CCNY: variants seen among roughly 807,000 people sequenced by gnomAD.
The protein encoded by CCNY is cyclin Y, also known as cyclin-Y.
CCNY carries 19 observed loss-of-function variants against 42.8 expected under a neutral mutation model. The observed-to-expected ratio is 0.44, with a 90% CI of 0.31 to 0.65. CCNY has a LOEUF of 0.65. Among genes scored for constraint, CCNY ranks in the 30% least tolerant of loss-of-function variants. The pLI is 0.07. For synonymous variants in CCNY, 165 were observed against 162.7 expected, an observed-to-expected ratio of 1.01 and a Z score of -0.11; for missense variants, 370 against 437.3, an observed-to-expected ratio of 0.85 and a Z score of 1.37.
intron 3 of CCNY, among the ~76,000 whole-genome samples, chr10:35,309,402 G>A (rs1477046803): frequency 2.0e-5 from 3 of 152,140 alleles, no homozygotes; most frequent in African/African-American, 4.8e-5. Context: ...TGGATGACAG[G>A]TGGAGAGGAA....
chr10:35,516,412 C>T, intron 3 of CCNY, 111 bp from the exon 4 acceptor site: 1 of 723,144 alleles, frequency 1.4e-6, no homozygotes, highest in Non-Finnish European at 2.4e-6. Context: ...ACATTTCTTG[C>T]TAAGACATTT....
intron 1 of CCNY, among the ~76,000 whole-genome samples, chr10:35,444,488 T>G (rs1589125689): frequency 6.6e-6 from 1 of 152,300 alleles, no homozygotes; most frequent in East Asian, 1.9e-4. Flanking sequence ...CCTCAAGTGA[T>G]CCACCCATCT....
chr10:35,443,061 G>GTA (rs1838709066), intron 1 of CCNY, among the ~76,000 whole-genome samples: 1 of 152,168 alleles, frequency 6.6e-6, no homozygotes, highest in South Asian at 2.1e-4. Context: ...TAACAATACG[G>GTA]TATAGAAGAT....
chr10:35,521,614 T>A (rs1840548426), intron 4 of CCNY, among the ~76,000 whole-genome samples: 2 of 152,222 alleles, frequency 1.3e-5, no homozygotes, highest in African/African-American at 4.8e-5. Flanking sequence ...GGCTGTTCTC[T>A]GAGAGACTGG....
At chr10:35,505,226 G>T (rs1176184031) in intron 3 of CCNY, among the ~76,000 whole-genome samples, 2 of 150,364 alleles carry the variant, frequency 1.3e-5, no homozygotes, top group Non-Finnish European at 2.9e-5. Context: ...TTATCTTCCT[G>T]CCACCTGGTG....
At chr10:35,565,795 G>A (rs961397753) in intron 8 of CCNY, among the ~76,000 whole-genome samples, 9 of 152,334 alleles carry the variant, frequency 5.9e-5, no homozygotes, top group African/African-American at 1.9e-4. Flanking sequence ...GCCCTGAAAC[G>A]CTTCCTGGTG....
intron 7 of CCNY, among the ~76,000 whole-genome samples, chr10:35,535,218 A>T (rs1433031901): frequency 6.6e-6 from 1 of 151,998 alleles, no homozygotes; most frequent in African/African-American, 2.4e-5. Flanking sequence ...TGAGTAAAGG[A>T]GATACAGAGA....
chr10:35,356,439 C>G (rs1836550765), intron 1 of CCNY, among the ~76,000 whole-genome samples: 1 of 152,174 alleles, frequency 6.6e-6, no homozygotes, highest in Admixed American at 6.5e-5. Flanking sequence ...GCTCTGTTCC[C>G]AGCCCCCAAT....
At chr10:35,460,110 A>C (rs1449143918) in intron 1 of CCNY, among the ~76,000 whole-genome samples, 1 of 152,182 alleles carries the variant, frequency 6.6e-6, no homozygotes, top group Non-Finnish European at 1.5e-5. Context: ...TGTCATGGGA[A>C]AGAATGGCCT....
At chr10:35,568,752 C>T (rs1841623021) in intron 9 of CCNY, among the ~76,000 whole-genome samples, 3 of 152,246 alleles carry the variant, frequency 2.0e-5, no homozygotes, top group Admixed American at 1.3e-4. Flanking sequence ...TGGGGCCCGT[C>T]CCACACCCCT....
chr10:35,535,508 G>GTATA (rs1181161158), intron 7 of CCNY, among the ~76,000 whole-genome samples: 4 of 151,878 alleles, frequency 2.6e-5, no homozygotes, highest in South Asian at 2.1e-4. Flanking sequence ...CTCCCTATAT[G>GTATA]TGTATGTATA....
intron 8 of CCNY, among the ~76,000 whole-genome samples, chr10:35,564,537 C>T (rs1347315640): frequency 6.6e-6 from 1 of 152,220 alleles, no homozygotes; most frequent in African/African-American, 2.4e-5. Context: ...CGGGACATCA[C>T]TCAGGACAGG....
At chr10:35,280,313 T>G in intron 3 of CCNY, among the ~76,000 whole-genome samples, 1 of 134,780 alleles carries the variant, frequency 7.4e-6, no homozygotes, top group East Asian at 2.1e-4. Flanking sequence ...GGTGAAAGAG[T>G]GAGGAAAGAA....
At chr10:35,452,726 T>C (rs1197458146) in intron 1 of CCNY, among the ~76,000 whole-genome samples, 2 of 145,708 alleles carry the variant, frequency 1.4e-5, no homozygotes, top group Admixed American at 1.4e-4. Flanking sequence ...TCATTTTGGA[T>C]GTAAAATTTA....
chr10:35,336,657 C>T lies in CCNY; in HGVS notation c.-397C>T, dbSNP rs1445613115. On this transcript the variant is annotated 5_prime_UTR_variant, in exon 1 of 10. Coordinates refer to ENST00000374704, the MANE Select transcript of CCNY (RefSeq NM_145012.6). ...CGGAACCTCTTGCCGAGGCGGCCGC[C>T]GTCGCCGCAGCCGCCGGGGAAGCGG... Among the ~76,000 whole-genome samples the T allele has an allele frequency of 1.4e-5, 2 of 146,912 alleles. No homozygotes were observed. Among genetic ancestry groups the T allele is most frequent in the African/African-American group, 4.9e-5 (2 of 40,780 alleles).
At chr10:35,269,687 G>A (rs1363503161) in intron 3 of CCNY, among the ~76,000 whole-genome samples, 1 of 148,614 alleles carries the variant, frequency 6.7e-6, no homozygotes, top group Non-Finnish European at 1.5e-5. Context: ...GGAGTGCAGT[G>A]GCATGATCTC....
chr10:35,352,949 A>G (rs1359145661), intron 1 of CCNY, among the ~76,000 whole-genome samples: 1 of 152,120 alleles, frequency 6.6e-6, no homozygotes, highest in African/African-American at 2.4e-5. Flanking sequence ...TTTTTGAGAT[A>G]GGGTCTCACT....
At chr10:35,288,547 A>AGAAATGTTTGCCTAG (rs1835379263) in intron 3 of CCNY, among the ~76,000 whole-genome samples, 3 of 152,134 alleles carry the variant, frequency 2.0e-5, no homozygotes, top group African/African-American at 7.2e-5. Flanking sequence ...TTGTGCCCTA[A>AGAAATGTTTGCCTAG]GAAATGTTTG....
chr10:35,488,991 T>G (rs1245196906), intron 2 of CCNY, among the ~76,000 whole-genome samples: 1 of 152,186 alleles, frequency 6.6e-6, no homozygotes, highest in Non-Finnish European at 1.5e-5. Flanking sequence ...TATAAAAATA[T>G]GACCTAGGCC....
Sources: gnomAD v4.1 joint callset for allele counts (sites outside exome capture counted in the v4.1 genomes callset) on GRCh38, gnomAD v4.1.1 for gene constraint, MANE v1.5 for transcripts, NCBI Gene and HGNC (gene_info 2026-07-23, HGNC 2026-07-21) for gene names.